PCDH15: variants seen among roughly 807,000 people sequenced by gnomAD.
PCDH15 encodes protocadherin related 15.
In PCDH15, 129 loss-of-function variants were observed where a neutral mutation model predicts 178.5. The observed-to-expected ratio is 0.72, with a 90% CI of 0.63 to 0.84. The LOEUF (loss-of-function observed/expected upper bound fraction) is 0.84. Among genes scored for constraint, PCDH15 ranks in the 40% least tolerant of loss-of-function variants. The pLI, the probability that PCDH15 is intolerant of heterozygous loss-of-function variation, is 0.00. For synonymous variants in PCDH15, 800 were observed against 732.0 expected (o/e 1.09, Z -1.50); for missense variants, 2,230 against 2,099.9 (o/e 1.06, Z -1.21).
Position 54,514,923 on chromosome 10 carries a change from A to C in PCDH15, c.157+12889T>G, listed in dbSNP as rs180954986. On this transcript the variant is annotated intron_variant, in intron 3 of 37. Transcript: ENST00000644397. Reference sequence around the variant, plus strand: ...CCATAAAACTTACTCATCGAAAAGAAATTTTAGACTGATTGTTTCTAAGAT... The same window carrying C: ...CCATAAAACTTACTCATCGAAAAGACATTTTAGACTGATTGTTTCTAAGAT... Among the ~76,000 whole-genome samples the C allele has an allele frequency of 5.4e-3, 829 of 152,308 alleles. 4 individuals are homozygous for C. Among genetic ancestry groups the C allele is most frequent in the Non-Finnish European group, 8.8e-3 (601 of 68,016 alleles).
At chr10:55,536,995 C>A (rs1306626547) in intron 2 of PCDH15, among the ~76,000 whole-genome samples, 2 of 151,530 alleles carry the variant, frequency 1.3e-5, no homozygotes, top group African/African-American at 2.4e-5. Context: ...TTTTTTCTGT[C>A]CTGTCCTTTC....
intron 8 of PCDH15, among the ~76,000 whole-genome samples, chr10:54,270,370 T>C (rs1247214389): frequency 1.3e-5 from 2 of 152,278 alleles, no homozygotes; most frequent in East Asian, 3.9e-4. Context: ...TCATTGTCTA[T>C]GGAATACATG....
At chr10:54,478,128 T>C (rs996655842) in intron 3 of PCDH15, among the ~76,000 whole-genome samples, 3 of 152,278 alleles carry the variant, frequency 2.0e-5, no homozygotes, top group African/African-American at 7.2e-5. Context: ...ATTTTGATCA[T>C]TTACTAATGA....
At chr10:55,036,559 C>A (rs1424261058) in intron 2 of PCDH15, among the ~76,000 whole-genome samples, 1 of 152,084 alleles carries the variant, frequency 6.6e-6, no homozygotes, top group African/African-American at 2.4e-5. Context: ...TCGCACCAGC[C>A]TGTGGAAGAT....
chr10:53,891,315 G>A (rs1050994474), intron 26 of PCDH15, among the ~76,000 whole-genome samples: 1 of 152,104 alleles, frequency 6.6e-6, no homozygotes, highest in African/African-American at 2.4e-5. Context: ...ACAGATGATG[G>A]AGGATGTGGC....
intron 3 of PCDH15, among the ~76,000 whole-genome samples, chr10:54,494,376 A>T (rs2079911651): frequency 6.6e-6 from 1 of 152,072 alleles, no homozygotes; most frequent in Non-Finnish European, 1.5e-5. Context: ...TCAGACACAG[A>T]TCCTCCAAAT....
intron 2 of PCDH15, among the ~76,000 whole-genome samples, chr10:55,337,519 A>G (rs891723259): frequency 5.3e-5 from 8 of 152,202 alleles, no homozygotes; most frequent in African/African-American, 1.9e-4. Flanking sequence ...AAGGAATCGG[A>G]TATTAACTGT....
intron 2 of PCDH15, among the ~76,000 whole-genome samples, chr10:54,597,327 C>T (rs1437766329): frequency 6.6e-6 from 1 of 152,030 alleles, no homozygotes; most frequent in Non-Finnish European, 1.5e-5. Context: ...TGGAATTTAA[C>T]AACCTGTTCC....
At chr10:55,169,816 T>C (rs927981034) in intron 1 of PCDH15, among the ~76,000 whole-genome samples, 2 of 152,120 alleles carry the variant, frequency 1.3e-5, no homozygotes, top group Admixed American at 6.6e-5. Context: ...ATAGCAAACA[T>C]TAGTATAATT....
intron 14 of PCDH15, among the ~76,000 whole-genome samples, chr10:54,139,194 A>T (rs1165265920): frequency 6.6e-6 from 1 of 152,168 alleles, no homozygotes. Flanking sequence ...CTTCTTTGAC[A>T]AATGAGACTA....
At chr10:53,880,853 C>G (rs1415026836) in intron 26 of PCDH15, among the ~76,000 whole-genome samples, 11 of 151,952 alleles carry the variant, frequency 7.2e-5, no homozygotes, top group Non-Finnish European at 1.5e-4. Context: ...TAAGATCTGT[C>G]TCCTCGAATT....
At chr10:54,897,398 T>C (rs574995509) in intron 3 of PCDH15, 2 of 152,302 alleles carry the variant, frequency 1.3e-5, no homozygotes, top group East Asian at 1.9e-4. Context: ...TTGTAAACCG[T>C]TGACATGAAA....
At chr10:55,377,721 C>T (rs369856137) in intron 2 of PCDH15, among the ~76,000 whole-genome samples, 30 of 152,164 alleles carry the variant, frequency 2.0e-4, no homozygotes, top group African/African-American at 5.3e-4. Flanking sequence ...TTTCATTTCA[C>T]GTATACTTTC....
chr10:55,426,777 G>A (rs1396333833), intron 2 of PCDH15, among the ~76,000 whole-genome samples: 1 of 152,158 alleles, frequency 6.6e-6, no homozygotes, highest in Admixed American at 6.5e-5. Context: ...AAAGGGACCT[G>A]AAAAGGAGAT....
rs370170840 is a variant in PCDH15 at position 55,223,926 on chromosome 10, A to G, written c.-155-57275T>C. 4.6e-5 allele frequency among the ~76,000 whole-genome samples: 7 copies of G among 152,102 alleles called. No individual in the cohort carries two copies. In the South Asian group the frequency reaches 1.0e-3, roughly 22 times the overall value. ...TAGTACTGAAGCACATACCCTCTAT[A>G]ATAATATAAGCAAGCAAAACAAAAT... On this transcript the variant is annotated intron_variant, in intron 1 of 5. Coordinates refer to the PCDH15 transcript ENST00000458638.
At chr10:53,808,135 A>C (rs1449591736) in intron 37 of PCDH15, 1 of 152,152 alleles carries the variant, frequency 6.6e-6, no homozygotes, top group African/African-American at 2.4e-5. Context: ...ATGTTATTTC[A>C]TTGAATTCCT....
chr10:54,612,167 C>G (rs1013796255), intron 2 of PCDH15, among the ~76,000 whole-genome samples: 2 of 151,786 alleles, frequency 1.3e-5, no homozygotes, highest in Admixed American at 6.6e-5. Flanking sequence ...GTAAAAGAGG[C>G]AAACAATAAA....
chr10:54,835,778 TAGC>T (rs2133755938), intron 3 of PCDH15, among the ~76,000 whole-genome samples: 1 of 152,290 alleles, frequency 6.6e-6, no homozygotes, highest in South Asian at 2.1e-4. Flanking sequence ...TAAAATCACA[TAGC>T]AGGAAATTTT....
At chr10:55,337,001 C>T (rs1844413602) in intron 2 of PCDH15, among the ~76,000 whole-genome samples, 1 of 152,180 alleles carries the variant, frequency 6.6e-6, no homozygotes, top group African/African-American at 2.4e-5. Context: ...CTGACCCCAA[C>T]TCCCTCAATT....
Sources: allele counts gnomAD v4.1 joint callset (sites outside exome capture counted in the v4.1 genomes callset), GRCh38; gene constraint gnomAD v4.1.1; transcripts MANE v1.5; gene names NCBI Gene and HGNC (gene_info 2026-07-23, HGNC 2026-07-21).